Variants in DNM3 observed in about 807,000 individuals in gnomAD.
DNM3 encodes the protein dynamin 3.
Under a neutral mutation model 101.6 loss-of-function variants are expected in DNM3, and 47 were observed. That is an observed-to-expected ratio of 0.46 (90% CI 0.37 to 0.59). DNM3 has a LOEUF of 0.59. DNM3 is among the 20% of genes least tolerant of loss of function. The pLI, the probability that DNM3 is intolerant of heterozygous loss-of-function variation, is 0.00. For synonymous variants in DNM3, 385 were observed against 387.9 expected, an observed-to-expected ratio of 0.99 and a Z score of 0.09; for missense variants, 849 against 1,085.7, an observed-to-expected ratio of 0.78 and a Z score of 3.06.
At chr1:172,317,565 T>A (rs1363461417) in intron 16 of DNM3, among the ~76,000 whole-genome samples, 2 of 152,226 alleles carry the variant, frequency 1.3e-5, no homozygotes, top group African/African-American at 2.4e-5. Context: ...ATATCACCAC[T>A]GATCCCACAG....
intron 14 of DNM3, among the ~76,000 whole-genome samples, chr1:172,252,918 T>C (rs1039346973): frequency 2.1e-4 from 32 of 152,170 alleles, no homozygotes; most frequent in African/African-American, 6.5e-4. Context: ...TTCTAATGAA[T>C]TTTTCCCCAA....
chr1:172,291,186 G>A (rs966324402), intron 15 of DNM3, among the ~76,000 whole-genome samples: 2 of 152,192 alleles, frequency 1.3e-5, no homozygotes, highest in African/African-American at 4.8e-5. Flanking sequence ...AAGGAGTTTT[G>A]CTATAAAGGC....
rs11339745 is a variant in DNM3, at chr1:172,225,574, A to ATT, written c.1660-27990_1660-27989dup. On this transcript the variant is annotated intron_variant, in intron 14 of 20. Coordinates refer to ENST00000627582, the MANE Select transcript of DNM3 (RefSeq NM_015569.5). ...CTTTAGTAACTATTACCAAATGACC[A>ATT]TTTTTTTTTTGCCATAACTCTATCT... Among the ~76,000 whole-genome samples the ATT allele has an allele frequency of 5.0e-3, 741 of 148,818 alleles. 3 individuals carry two copies. The highest frequency in any genetic ancestry group is 0.017 in the African/African-American group (699 of 40,688).
At chr1:172,415,524 G>GTTTTTTTTTTTTTTTTTTT (rs386368747), downstream of DNM3, 1 of 99,130 alleles carries the variant, frequency 1.0e-5, no homozygotes. Flanking sequence ...TTTTTTGTGA[G>GTTTTTTTTTTTTTTTTTTT]TTTTTTTTTT....
intron 17 of DNM3, among the ~76,000 whole-genome samples, chr1:172,364,160 C>T (rs2067888464): frequency 6.6e-6 from 1 of 151,880 alleles, no homozygotes; most frequent in South Asian, 2.1e-4. Flanking sequence ...CCAAAGAAAC[C>T]TAGTGCATGT....
chr1:172,155,889 G>A (rs1345583653), intron 14 of DNM3, among the ~76,000 whole-genome samples: 2 of 152,096 alleles, frequency 1.3e-5, no homozygotes, highest in Admixed American at 6.6e-5. Context: ...TTTAGCCAAT[G>A]CTAAACCATT....
chr1:172,284,437 T>C (rs2063616946), intron 15 of DNM3, among the ~76,000 whole-genome samples: 1 of 152,182 alleles, frequency 6.6e-6, no homozygotes, highest in Non-Finnish European at 1.5e-5. Flanking sequence ...TTCTTAGCAA[T>C]CCATTTACCA....
intron 11 of DNM3, among the ~76,000 whole-genome samples, chr1:172,073,327 G>A (rs2052371079): frequency 6.6e-6 from 1 of 151,634 alleles, no homozygotes; most frequent in African/African-American, 2.4e-5. Context: ...GAACATATGT[G>A]CATATGTGTA....
rs59666825 is a variant in DNM3 at position 171,962,784 on chromosome 1, CACAA to C, written c.236-24868_236-24865del. 6.6e-5 allele frequency among the ~76,000 whole-genome samples: 10 copies of C among 152,270 alleles called. No homozygotes were observed. The East Asian group carries it at 1.9e-3, about 29-fold the overall frequency. On this transcript the variant is annotated intron_variant, in intron 2 of 20. Coordinates refer to ENST00000627582, the MANE Select transcript of DNM3 (RefSeq NM_015569.5). ...CTTCAACACATGAATTTTGGGGAGA[CACAA>C]ACATTCAGTCTACAACAGTTACATA...
intron 2 of DNM3, among the ~76,000 whole-genome samples, chr1:171,932,936 C>T (rs948462552): frequency 1.3e-5 from 2 of 152,178 alleles, no homozygotes; most frequent in African/African-American, 4.8e-5. Context: ...GAAGGCCTAA[C>T]GTGCTTCTTT....
intron 13 of DNM3, among the ~76,000 whole-genome samples, chr1:172,106,531 A>C (rs1049976820): frequency 4.6e-5 from 7 of 151,692 alleles, no homozygotes; most frequent in African/African-American, 1.7e-4. Flanking sequence ...TATATAACAA[A>C]CCCCCATGAC....
intron 1 of DNM3, among the ~76,000 whole-genome samples, chr1:171,919,368 C>T (rs1273910165): frequency 6.6e-6 from 1 of 152,126 alleles, no homozygotes; most frequent in Non-Finnish European, 1.5e-5. Context: ...CATGTGTTCT[C>T]ATTGTTCAAC....
At chr1:172,298,855 AAGAAAG>A (rs973823507) in intron 15 of DNM3, among the ~76,000 whole-genome samples, 7 of 139,376 alleles carry the variant, frequency 5.0e-5, no homozygotes, top group Non-Finnish European at 1.1e-4. Flanking sequence ...AGAAGAAAGA[AAGAAAG>A]AGAGAGAGAG....
At chr1:172,219,852 G>A (rs764265016) in intron 14 of DNM3, among the ~76,000 whole-genome samples, 9 of 152,120 alleles carry the variant, frequency 5.9e-5, no homozygotes, top group Non-Finnish European at 1.2e-4. Context: ...ACAGTAGAGG[G>A]TGGGAAAGGT....
chr1:172,141,022 T>C (rs2057548990), intron 14 of DNM3, among the ~76,000 whole-genome samples: 2 of 152,082 alleles, frequency 1.3e-5, no homozygotes, highest in South Asian at 4.1e-4. Flanking sequence ...TATTACACCT[T>C]GTTTTCTTTT....
chr1:171,855,999 G>C (rs2033571478), intron 1 of DNM3, among the ~76,000 whole-genome samples: 1 of 152,020 alleles, frequency 6.6e-6, no homozygotes, highest in East Asian at 1.9e-4. Context: ...TATAATTTTG[G>C]GTTTTACATT....
chr1:171,927,787 C>G (rs1328868455), intron 2 of DNM3, among the ~76,000 whole-genome samples: 1 of 152,188 alleles, frequency 6.6e-6, no homozygotes, highest in South Asian at 2.1e-4. Context: ...TTGCCATCCT[C>G]CTGAATCTCA....
In DNM3 at chr1:172,073,206, CATAT is replaced by C. The variant is rs1488153041; in HGVS notation, c.1422+4304_1422+4307del. 2.6e-5 allele frequency among the ~76,000 whole-genome samples: 4 copies of C among 151,390 alleles called. No homozygotes were observed. The East Asian group carries it at 7.8e-4, about 29-fold the overall frequency. On this transcript the variant is annotated intron_variant, in intron 11 of 20. Transcript: ENST00000627582. ...TATATATAGTGTATATATACATGTA[CATAT>C]ATGTATGTATGTATATATGTGTGTA...
chr1:172,361,431 A>G (rs2067734066), intron 17 of DNM3, among the ~76,000 whole-genome samples: 1 of 151,992 alleles, frequency 6.6e-6, no homozygotes, highest in Admixed American at 6.6e-5. Context: ...GACCATAAAT[A>G]GCATTTTTAT....
Sources: allele counts gnomAD v4.1 joint callset (sites outside exome capture counted in the v4.1 genomes callset), GRCh38; gene constraint gnomAD v4.1.1; transcripts MANE v1.5; gene names NCBI Gene and HGNC (gene_info 2026-07-23, HGNC 2026-07-21).